Variants in ITIH4 observed in about 807,000 individuals in gnomAD.
ITIH4 encodes the protein inter-alpha-trypsin inhibitor heavy chain H4.
ITIH4 carries 79 observed loss-of-function variants against 111.8 expected under a neutral mutation model. That is an observed-to-expected ratio of 0.71 (90% CI 0.59 to 0.85). The LOEUF (loss-of-function observed/expected upper bound fraction) is 0.85, where lower values mean the gene tolerates loss of function less well. Among genes scored for constraint, ITIH4 ranks in the 40% least tolerant of loss-of-function variants. The probability of loss-of-function intolerance (pLI) is 0.00; values close to 1 mark genes in which losing one functional copy is unlikely to be tolerated. For missense variants in ITIH4, 1,065 were observed against 1,195.8 expected (o/e 0.89, Z 1.61); for synonymous variants, 472 against 468.3 (o/e 1.01, Z -0.10).
chr3:52,824,466 G>A lies in ITIH4; in HGVS notation c.976C>T (p.Leu326=). 1 of 1,614,222 alleles carries A rather than the reference G, an allele frequency of 6.2e-7. No individual in the cohort carries two copies. Residue 326 remains leucine (L), a synonymous_variant, in exon 8 of 24, where the codon CTG becomes TTG. Transcript: ENST00000266041. The surrounding 1 kb of genome is among the most constrained non-coding windows in gnomAD (Gnocchi z 4.3). ...ACGTTCTCGGCTGAGGCTGGCACCA[G>A]TGATGGCCTCCACTGAGTTGCTTCT... ...STEATQWRPS[L]VPASAENVNK...
Position 52,824,584 on chromosome 3 carries a change from CAT to C in ITIH4, c.877-21_877-20del, listed in dbSNP as rs930209755. 5 of 1,599,844 alleles carry C rather than the reference CAT, an allele frequency of 3.1e-6. No homozygotes were observed. The African/African-American group carries it at 4.0e-5, about 13-fold the overall frequency. On this transcript the variant is annotated intron_variant, in intron 7 of 23. Transcript: ENST00000266041. This position sits in a 1 kb window ranked among gnomAD's most constrained non-coding sequence, Gnocchi z 4.3. ...CCCGGGTCTGGTCAGGGAGAGGAAA[CAT>C]AGGTGCTTCAGAAGGGCTCCCTGAG...
chr3:52,818,324 G>A (rs749308616), intron 18 of ITIH4, 41 bp from the exon 19 acceptor site: 1 of 1,572,182 alleles, frequency 6.4e-7, no homozygotes, highest in East Asian at 2.2e-5. Flanking sequence ...GCCCCTTCCT[G>A]AGGAGTGGGA....
At chr3:52,817,884 G>C (rs1159992587) in intron 20 of ITIH4, among the ~76,000 whole-genome samples, 168 bp downstream of exon 20, 2 of 152,268 alleles carry the variant, frequency 1.3e-5, no homozygotes, top group African/African-American at 4.8e-5. Flanking sequence ...AAGGTCCCCG[G>C]GGTGTCTGTG....
rs1461381857 is a variant in ITIH4 at position 52,824,433 on chromosome 3, C to T, written c.1009G>A (p.Ala337Thr). 3 of 1,614,192 alleles carry T rather than the reference C, an allele frequency of 1.9e-6. No homozygotes were observed. Among genetic ancestry groups the T allele is most frequent in the South Asian group, 2.2e-5 (2 of 91,078 alleles). ...TGGATGCCCGCAGCAAAGCTCCTGG[C>T]CTTGTTCACGTTCTCGGCTGAGGCT... Reference protein sequence around the residue: ...VPASAENVNKARSFAAGIQAL... With the variant: ...VPASAENVNKTRSFAAGIQAL... The change falls in exon 8 of 24, where the codon GCC (alanine) becomes ACC (threonine). Residue 337 changes from alanine to threonine, a missense_variant. By Grantham distance (58) the Ala-to-Thr change is moderately conservative. Coordinates refer to ENST00000266041, the MANE Select transcript of ITIH4 (RefSeq NM_002218.5). This position sits in a 1 kb window ranked among gnomAD's most constrained non-coding sequence, Gnocchi z 4.3.
intron 17 of ITIH4, 73 bp downstream of exon 17, chr3:52,819,320 C>T (rs552623578): frequency 8.3e-6 from 13 of 1,575,456 alleles, no homozygotes; most frequent in Middle Eastern, 1.9e-4. Flanking sequence ...CTTTACCCCA[C>T]CCCCCTCTAT....
At chr3:52,817,308 G>A (rs1700295674) in intron 20 of ITIH4, among the ~76,000 whole-genome samples, 2 of 152,220 alleles carry the variant, frequency 1.3e-5, no homozygotes, top group African/African-American at 4.8e-5. Flanking sequence ...CTCAGTTGAG[G>A]CCTTTGAGAA....
In ITIH4 at chr3:52,813,369, G is replaced by C; in HGVS notation, c.*52C>G. 6.6e-7 allele frequency: 1 copy of C among 1,505,696 alleles called. No individual in the cohort carries two copies. Among genetic ancestry groups the C allele is most frequent in the Non-Finnish European group, 9.3e-7 (1 of 1,081,000 alleles). The allele number at this position is 1,505,696 out of a possible 1,614,324, so 93.3% of individuals were successfully genotyped here. ...TCCAGGCCCCAGAAGCGGCCCTGCA[G>C]TTGCAGGGGGAAGCCAAGTGTACAG... On this transcript the variant is annotated 3_prime_UTR_variant, in exon 24 of 24. Coordinates refer to ENST00000266041, the MANE Select transcript of ITIH4 (RefSeq NM_002218.5).
intron 13 of ITIH4, 145 bp downstream of exon 13, chr3:52,820,486 C>T: frequency 1.7e-6 from 2 of 1,182,714 alleles, no homozygotes; most frequent in Non-Finnish European, 2.4e-6. Flanking sequence ...GCTTCACTTT[C>T]CTCATCAGTG....
chr3:52,820,452 G>A, intron 13 of ITIH4, 135 bp from the exon 14 acceptor site: 1 of 1,175,162 alleles, frequency 8.5e-7, no homozygotes. Flanking sequence ...TAGGTGCAAT[G>A]AATTTGGGGA....
chr3:52,828,972 T>C, intron 2 of ITIH4, 147 bp downstream of exon 2: 1 of 644,806 alleles, frequency 1.6e-6, no homozygotes, highest in Non-Finnish European at 2.5e-6. Context: ...CAAGCCCCTG[T>C]TCCTGTGTGG....
At chr3:52,823,529 C>T (rs1031835995) in intron 11 of ITIH4, 27 bp downstream of exon 11, 1 of 1,565,754 alleles carries the variant, frequency 6.4e-7, no homozygotes, top group African/African-American at 1.4e-5. Flanking sequence ...TGCCATTCCC[C>T]TCCAGGGTGG....
At chr3:52,821,169 G>A (rs759452957) in intron 11 of ITIH4, 39 bp from the exon 12 acceptor site, 1 of 1,596,922 alleles carries the variant, frequency 6.3e-7, no homozygotes, top group African/African-American at 1.3e-5. Context: ...AGCAGTGAGG[G>A]CCGGACATCT....
At chr3:52,818,002 G>T in intron 20 of ITIH4, 50 bp downstream of exon 20, 1 of 1,371,050 alleles carries the variant, frequency 7.3e-7, no homozygotes, top group Non-Finnish European at 1.0e-6. Context: ...TAGGCAGGTG[G>T]TGGGTGTGTG....
Position 52,818,045 on chromosome 3 carries a change from C to T in ITIH4, c.2296+7G>A, listed in dbSNP as rs759263040. On this transcript the variant is annotated splice_region_variant and intron_variant, in intron 20 of 23. Coordinates refer to ENST00000266041, the MANE Select transcript of ITIH4 (RefSeq NM_002218.5). ...TGTCTGGGTCTCTCTGGGTGTGCCT[C>T]TCTCACCTTGCTCAGGGTCTGAGAG... The T allele has an allele frequency of 1.2e-6, 2 of 1,608,362 alleles. No homozygotes were observed. Among genetic ancestry groups the T allele is most frequent in the Non-Finnish European group, 1.7e-6 (2 of 1,175,670 alleles).
In ITIH4 at chr3:52,813,191, A is replaced by T; in HGVS notation, c.*230T>A. 1.9e-6 allele frequency: 1 copy of T among 534,308 alleles called. No individual in the cohort carries two copies. The highest frequency in any genetic ancestry group is 3.3e-6 in the Non-Finnish European group (1 of 299,156). 33.1% of individuals were successfully genotyped at this position (534,308 alleles called of 1,614,324 possible). ...CCTGGCCATGGGCTCTTGAGAGCTG[A>T]CAGTGGAAGCTTCTGTGTTCCACGA... On this transcript the variant is annotated 3_prime_UTR_variant, in exon 24 of 24. Coordinates refer to ENST00000266041, the MANE Select transcript of ITIH4 (RefSeq NM_002218.5).
chr3:52,814,509 A>G, intron 21 of ITIH4, 146 bp from the exon 22 acceptor site: 1 of 658,122 alleles, frequency 1.5e-6, no homozygotes, highest in South Asian at 2.0e-5. Context: ...AAATCTTCTG[A>G]TTTCAGTTTC....
At chr3:52,829,077 C>G in intron 2 of ITIH4, 42 bp downstream of exon 2, 1 of 1,151,492 alleles carries the variant, frequency 8.7e-7, no homozygotes, top group South Asian at 1.3e-5. Context: ...AGTCATAGCA[C>G]TGGGGGGTGT....
At position 52,820,003 on chromosome 3, in the gene ITIH4, G is replaced by T. The variant is rs574607843; in HGVS notation, c.1862-13C>A. The stretch of plus-strand genomic sequence containing the variant: ...AAGAAAGTGGAACCTGGAAATCAGT[G>T]GGACCTGGGTTTGCATCTTGCACCC... On this transcript the variant is annotated splice_polypyrimidine_tract_variant and intron_variant, in intron 14 of 23. Transcript: ENST00000266041. 5.0e-6 allele frequency: 8 copies of T among 1,613,928 alleles called. No homozygotes were observed. The highest frequency in any genetic ancestry group is 1.3e-5 in the African/African-American group (1 of 75,060).
rs1480640245 is a variant in ITIH4, at chr3:52,822,069, T to C, written c.1540-939A>G. Among the ~76,000 whole-genome samples, 7 of 152,182 alleles carry C rather than the reference T, an allele frequency of 4.6e-5. No individual in the cohort carries two copies. The South Asian group carries it at 6.2e-4, about 14-fold the overall frequency. ...CATAAAATCTTAGATCTGGGCCAGG[T>C]GCGGTGGCTCACGCCTGTAATCCCA... On this transcript the variant is annotated intron_variant, in intron 11 of 23. Transcript: ENST00000266041.
Sources: allele counts gnomAD v4.1 joint callset (sites outside exome capture counted in the v4.1 genomes callset), GRCh38; gene constraint gnomAD v4.1.1; non-coding constraint Gnocchi (gnomAD v3.1); transcripts MANE v1.5; gene names NCBI Gene and HGNC (gene_info 2026-07-23, HGNC 2026-07-21).